ATRNL1: variants seen among roughly 807,000 people sequenced by gnomAD.
ATRNL1 encodes attractin like 1.
In ATRNL1, 95 loss-of-function variants were observed where a neutral mutation model predicts 182.7. The observed-to-expected ratio is 0.52, with a 90% CI of 0.44 to 0.62. ATRNL1 has a LOEUF of 0.62. ATRNL1 is among the 20% of genes least tolerant of loss of function. The probability of loss-of-function intolerance (pLI) is 0.00; values close to 1 mark genes in which losing one functional copy is unlikely to be tolerated. For missense variants in ATRNL1, 1,471 were observed against 1,679.5 expected (o/e 0.88, Z 2.17); for synonymous variants, 576 against 568.3 (o/e 1.01, Z -0.19).
chr10:115,402,135 T>G (rs1844595237), intron 20 of ATRNL1, among the ~76,000 whole-genome samples: 1 of 152,166 alleles, frequency 6.6e-6, no homozygotes, highest in Admixed American at 6.5e-5. Context: ...TATTTTCAAT[T>G]TACATGATAG....
intron 24 of ATRNL1, among the ~76,000 whole-genome samples, chr10:115,513,074 C>A (rs1020856032): frequency 6.6e-6 from 1 of 151,918 alleles, no homozygotes; most frequent in Non-Finnish European, 1.5e-5. Flanking sequence ...CATCAGCTAT[C>A]GTTAGTGTGT....
At chr10:115,463,058 T>C (rs1847892626) in intron 22 of ATRNL1, among the ~76,000 whole-genome samples, 1 of 151,754 alleles carries the variant, frequency 6.6e-6, no homozygotes, top group African/African-American at 2.4e-5. Flanking sequence ...TCATCCATAT[T>C]GTTAAATGAT....
At chr10:115,536,260 C>G (rs1385752976) in intron 25 of ATRNL1, among the ~76,000 whole-genome samples, 1 of 152,178 alleles carries the variant, frequency 6.6e-6, no homozygotes, top group Non-Finnish European at 1.5e-5. Flanking sequence ...GTGGTGGGCT[C>G]CACCCAGTTC....
At chr10:115,459,392 A>T (rs560944002) in intron 21 of ATRNL1, among the ~76,000 whole-genome samples, 1 of 152,282 alleles carries the variant, frequency 6.6e-6, no homozygotes, top group South Asian at 2.1e-4. Flanking sequence ...TTTTCTCAGC[A>T]TGGAAAGTCC....
At chr10:115,643,618 A>G (rs1221131536) in intron 26 of ATRNL1, among the ~76,000 whole-genome samples, 1 of 152,212 alleles carries the variant, frequency 6.6e-6, no homozygotes, top group African/African-American at 2.4e-5. Flanking sequence ...TGCAGTTTTT[A>G]AAAAGGGCAA....
intron 8 of ATRNL1, chr10:115,171,500 A>C (rs1847293111): frequency 2.5e-6 from 1 of 401,966 alleles, no homozygotes; most frequent in Non-Finnish European, 4.3e-6. Flanking sequence ...AATGAGGGGA[A>C]ATATTACTTA....
rs138449303 is a variant in ATRNL1, at chr10:115,321,450, T to A, written c.3037+5714T>A. On this transcript the variant is annotated intron_variant, in intron 18 of 28. Transcript: ENST00000355044. ...CTTTCTTATTGTTTATCATTGTGGT[T>A]TTTTAGTTTTCTGTAGTGGTAGCAT... is the stretch of plus-strand genomic sequence containing the variant. Among the ~76,000 whole-genome samples, 955 of 152,250 alleles carry A rather than the reference T, an allele frequency of 6.3e-3. 15 individuals carry two copies. The highest frequency in any genetic ancestry group is 0.022 in the African/African-American group (930 of 41,552).
chr10:115,265,225 A>G lies in ATRNL1; in HGVS notation c.1720A>G (p.Asn574Asp), dbSNP rs782392898. ...CDEWKILPKP[N>D]LHRDVNRFGH... ...TGAATGGAAAATACTACCAAAACCA[A>G]ATCTTCATAGAGATGTCAACAGATT... The change falls in exon 11 of 29, where the codon AAT (asparagine) becomes GAT (aspartate). Residue 574 changes from asparagine (N) to aspartate (D), a missense_variant. Physicochemically the swap from Asn to Asp is conservative, Grantham distance 23. This residue lies in a region of ATRNL1 where 1,031 missense variants were observed against 1,156.0 expected (regional missense o/e 0.89). Coordinates refer to ENST00000355044, the MANE Select transcript of ATRNL1 (RefSeq NM_207303.4). 7.8e-5 allele frequency: 126 copies of G among 1,608,664 alleles called. No individual in the cohort carries two copies. The highest frequency in any genetic ancestry group is 1.0e-4 in the Non-Finnish European group (122 of 1,176,860).
intron 14 of ATRNL1, among the ~76,000 whole-genome samples, chr10:115,284,461 C>G (rs1852513032): frequency 6.6e-6 from 1 of 152,078 alleles, no homozygotes; most frequent in South Asian, 2.1e-4. Flanking sequence ...ACACATATAG[C>G]TTCAAACTGA....
intron 26 of ATRNL1, among the ~76,000 whole-genome samples, chr10:115,624,577 T>C (rs1204000626): frequency 6.6e-6 from 1 of 152,134 alleles, no homozygotes; most frequent in East Asian, 1.9e-4. Context: ...TAGGAGCCTA[T>C]TGTGTGCAAC....
intron 26 of ATRNL1, among the ~76,000 whole-genome samples, chr10:115,697,647 A>T (rs574227180): frequency 6.6e-6 from 1 of 152,062 alleles, no homozygotes; most frequent in African/African-American, 2.4e-5. Flanking sequence ...TCAATAAAAA[A>T]TTTCTGTGTG....
At chr10:115,538,876 T>A in intron 25 of ATRNL1, among the ~76,000 whole-genome samples, 1 of 152,336 alleles carries the variant, frequency 6.6e-6, no homozygotes. Flanking sequence ...CTTATAAGAT[T>A]ATATTACTAT....
intron 26 of ATRNL1, among the ~76,000 whole-genome samples, chr10:115,656,583 C>T (rs1411547190): frequency 6.6e-6 from 1 of 152,030 alleles, no homozygotes; most frequent in Middle Eastern, 3.2e-3. Flanking sequence ...TAGGTTCTGG[C>T]CACCCACCAC....
intron 14 of ATRNL1, among the ~76,000 whole-genome samples, chr10:115,282,712 A>G (rs75777864): frequency 0.011 from 1,727 of 152,062 alleles, 29 homozygotes; most frequent in African/African-American, 0.039. Flanking sequence ...GCTCAAAATT[A>G]TGTGACTTGT....
intron 21 of ATRNL1, among the ~76,000 whole-genome samples, chr10:115,427,510 A>C (rs1845956211): frequency 6.6e-6 from 1 of 152,152 alleles, no homozygotes; most frequent in South Asian, 2.1e-4. Flanking sequence ...TTAGCCTAAC[A>C]GGTCACTGTG....
intron 21 of ATRNL1, among the ~76,000 whole-genome samples, chr10:115,454,704 C>A (rs537942283): frequency 4.7e-4 from 71 of 151,984 alleles, no homozygotes; most frequent in Non-Finnish European, 9.1e-4. Flanking sequence ...TAGTTCATTG[C>A]TAGTGTATAG....
chr10:115,309,065 T>A lies in ATRNL1; in HGVS notation c.2819-6453T>A, dbSNP rs1853885226. Among the ~76,000 whole-genome samples, 3 of 152,274 alleles carry A rather than the reference T, an allele frequency of 2.0e-5. No individual in the cohort carries two copies. In the South Asian group the frequency reaches 6.2e-4, roughly 32 times the overall value. ...AATTTGCCAAAAAATCAGTTGGTTGTAAGTATTTGGCTTTATATCTGGGTT... is the reference window on the plus strand; with the variant it reads ...AATTTGCCAAAAAATCAGTTGGTTGAAAGTATTTGGCTTTATATCTGGGTT... On this transcript the variant is annotated intron_variant, in intron 17 of 28. Coordinates refer to ENST00000355044, the MANE Select transcript of ATRNL1 (RefSeq NM_207303.4).
At chr10:115,836,208 G>A (rs1555095398) in intron 27 of ATRNL1, among the ~76,000 whole-genome samples, 1 of 152,176 alleles carries the variant, frequency 6.6e-6, no homozygotes, top group Non-Finnish European at 1.5e-5. Context: ...TATGTGATAT[G>A]TAGCTAGTTT....
chr10:115,534,714 C>T (rs1193271774), intron 25 of ATRNL1, among the ~76,000 whole-genome samples: 14 of 151,932 alleles, frequency 9.2e-5, no homozygotes, highest in African/African-American at 3.4e-4. Context: ...ATGGTCTTTA[C>T]ATTTTGGCAT....
Sources: gnomAD v4.1 joint callset for allele counts (sites outside exome capture counted in the v4.1 genomes callset) on GRCh38, gnomAD v4.1.1 for gene constraint, gnomAD v4.1.1 regional missense constraint, MANE v1.5 for transcripts, NCBI Gene and HGNC (gene_info 2026-07-23, HGNC 2026-07-21) for gene names.